Variants in DOCK10 observed in about 807,000 individuals in gnomAD.
DOCK10 encodes dedicator of cytokinesis protein 10.
A neutral mutation model predicts 280.1 loss-of-function variants in DOCK10; 145 were observed. The ratio of observed to expected loss-of-function variants is 0.52; its 90% CI spans 0.45 to 0.59. The LOEUF is 0.59. Among genes scored for constraint, DOCK10 ranks in the 20% least tolerant of loss-of-function variants. DOCK10 has a pLI of 0.00. For missense variants in DOCK10, 2,368 were observed against 2,651.7 expected (o/e 0.89, Z 2.35); for synonymous variants, 915 against 942.2 (o/e 0.97, Z 0.53).
intron 51 of DOCK10, among the ~76,000 whole-genome samples, chr2:224,777,328 A>T (rs1040972954): frequency 6.6e-6 from 1 of 152,176 alleles, no homozygotes; most frequent in Non-Finnish European, 1.5e-5. Flanking sequence ...TCGCTAAAGG[A>T]GATTAACATT....
chr2:224,947,217 T>A (rs930033179), intron 1 of DOCK10, among the ~76,000 whole-genome samples: 1 of 152,212 alleles, frequency 6.6e-6, no homozygotes, highest in African/African-American at 2.4e-5. Flanking sequence ...AAAATGACTT[T>A]GGACGTTTAA....
At chr2:224,778,389 T>C (rs763714724) in intron 50 of DOCK10, 105 bp from the exon 51 acceptor site, 2 of 1,143,672 alleles carry the variant, frequency 1.7e-6, no homozygotes, top group Non-Finnish European at 2.5e-6. Flanking sequence ...TTTTTGGTTG[T>C]CATCTAATCC....
intron 1 of DOCK10, among the ~76,000 whole-genome samples, chr2:225,016,441 G>A (rs1689592089): frequency 6.6e-6 from 1 of 150,744 alleles, no homozygotes; most frequent in African/African-American, 2.4e-5. Context: ...AAAATCTGGA[G>A]GTGATATTAT....
intron 1 of DOCK10, among the ~76,000 whole-genome samples, chr2:224,957,723 A>T (rs1704133218): frequency 6.6e-6 from 1 of 152,156 alleles, no homozygotes; most frequent in Non-Finnish European, 1.5e-5. Flanking sequence ...CCTTCAAATC[A>T]GTGCCCTCTT....
intron 1 of DOCK10, among the ~76,000 whole-genome samples, chr2:224,962,915 T>C (rs1478629455): frequency 6.6e-6 from 1 of 152,074 alleles, no homozygotes; most frequent in Non-Finnish European, 1.5e-5. Flanking sequence ...CACAGTTGTA[T>C]TTTTTTTCTG....
intron 18 of DOCK10, among the ~76,000 whole-genome samples, chr2:224,851,894 C>T (rs1240395754): frequency 6.6e-6 from 1 of 152,170 alleles, no homozygotes; most frequent in African/African-American, 2.4e-5. Context: ...TGATCAGCAA[C>T]CGGGACTGAC....
At chr2:224,911,902 A>G (rs1045726530) in intron 3 of DOCK10, among the ~76,000 whole-genome samples, 1 of 152,242 alleles carries the variant, frequency 6.6e-6, no homozygotes, top group African/African-American at 2.4e-5. Flanking sequence ...ATTGACTTCT[A>G]TGACAGAAAG....
At chr2:224,886,429 T>A in intron 5 of DOCK10, 30 bp downstream of exon 5, 2 of 1,586,710 alleles carry the variant, frequency 1.3e-6, no homozygotes, top group Middle Eastern at 1.7e-4. Flanking sequence ...CCTCATGTTT[T>A]AAACATCTCA....
intron 1 of DOCK10, among the ~76,000 whole-genome samples, chr2:225,041,535 G>C (rs548549845): frequency 1.2e-4 from 19 of 152,280 alleles, no homozygotes; most frequent in African/African-American, 4.1e-4. Flanking sequence ...CTTAGAAGCC[G>C]TTTCAATAAG....
intron 1 of DOCK10, among the ~76,000 whole-genome samples, chr2:224,936,874 A>G (rs1702723350): frequency 6.6e-6 from 1 of 152,154 alleles, no homozygotes; most frequent in Non-Finnish European, 1.5e-5. Context: ...CTGGGGAGTT[A>G]TTTGATTTTA....
At chr2:224,963,143 G>A (rs942685231) in intron 1 of DOCK10, among the ~76,000 whole-genome samples, 1 of 152,066 alleles carries the variant, frequency 6.6e-6, no homozygotes, top group Non-Finnish European at 1.5e-5. Flanking sequence ...CCACCAATCC[G>A]ATTTGAGCCA....
chr2:224,904,127 C>T (rs1283962370), intron 3 of DOCK10, among the ~76,000 whole-genome samples: 1 of 152,138 alleles, frequency 6.6e-6, no homozygotes, highest in Non-Finnish European at 1.5e-5. Flanking sequence ...CATATGAACA[C>T]ATCTAGGCCA....
At chr2:224,809,717 G>A (rs1011779394) in intron 31 of DOCK10, among the ~76,000 whole-genome samples, 1 of 151,956 alleles carries the variant, frequency 6.6e-6, no homozygotes, top group African/African-American at 2.4e-5. Flanking sequence ...AACAAGTATT[G>A]GTGTAAAGAA....
chr2:224,973,510 T>C (rs544410281), intron 1 of DOCK10, among the ~76,000 whole-genome samples: 1 of 152,044 alleles, frequency 6.6e-6, no homozygotes, highest in Admixed American at 6.5e-5. Context: ...AACCAAGGAA[T>C]GTGGGCAGCC....
chr2:224,919,509 CGTGTGGTGTGAATGT>C (rs748576821), intron 2 of DOCK10, among the ~76,000 whole-genome samples: 3 of 130,024 alleles, frequency 2.3e-5, no homozygotes, highest in Non-Finnish European at 5.0e-5. Flanking sequence ...TGAGTGTGTA[CGTGTGGTGTGAATGT>C]GTGTGGTGTG....
chr2:224,983,714 C>T, intron 1 of DOCK10: 1 of 470,054 alleles, frequency 2.1e-6, no homozygotes, highest in Non-Finnish European at 4.4e-6. Flanking sequence ...GGTATGTTCA[C>T]CCCAGAGAAG....
At chr2:224,888,438 ATG>A (rs1403523269) in intron 4 of DOCK10, among the ~76,000 whole-genome samples, 2 of 151,726 alleles carry the variant, frequency 1.3e-5, no homozygotes, top group Non-Finnish European at 2.9e-5. Context: ...GTATGTATAT[ATG>A]TGTGTGAATA....
intron 1 of DOCK10, among the ~76,000 whole-genome samples, chr2:224,952,701 T>C (rs1703821387): frequency 6.7e-6 from 1 of 150,092 alleles, no homozygotes; most frequent in South Asian, 2.1e-4. Context: ...CACGCCATTC[T>C]CCTGCCTCAG....
chr2:224,906,352 A>G (rs1433182866), intron 3 of DOCK10, among the ~76,000 whole-genome samples: 1 of 152,146 alleles, frequency 6.6e-6, no homozygotes, highest in South Asian at 2.1e-4. Flanking sequence ...ATAGTCTTCT[A>G]TCTGTCCAAT....
Sources: allele counts gnomAD v4.1 joint callset (sites outside exome capture counted in the v4.1 genomes callset), GRCh38; gene constraint gnomAD v4.1.1; transcripts MANE v1.5; gene names NCBI Gene and HGNC (gene_info 2026-07-23, HGNC 2026-07-21).